CDH12: variants seen among roughly 807,000 people sequenced by gnomAD.
The protein encoded by CDH12 is cadherin 12.
In CDH12, 41 loss-of-function variants were observed where a neutral mutation model predicts 74.1. That is an observed-to-expected ratio of 0.55 (90% CI 0.43 to 0.72). CDH12 has a LOEUF of 0.72. Ranked by LOEUF, CDH12 falls within the 30% of genes least tolerant of loss-of-function variation. The pLI is 0.00. For missense variants in CDH12, 945 were observed against 977.2 expected, an observed-to-expected ratio of 0.97 and a Z score of 0.44; for synonymous variants, 399 against 355.0, an observed-to-expected ratio of 1.12 and a Z score of -1.39.
intron 3 of CDH12, among the ~76,000 whole-genome samples, chr5:22,302,732 TAAG>T (rs891684818): frequency 4.6e-5 from 7 of 151,996 alleles, no homozygotes; most frequent in African/African-American, 1.7e-4. Flanking sequence ...GAAGGCAAAA[TAAG>T]AGTAATTTTG....
chr5:22,308,552 T>C (rs1276707146), intron 3 of CDH12, among the ~76,000 whole-genome samples: 7 of 152,168 alleles, frequency 4.6e-5, no homozygotes, highest in Non-Finnish European at 1.0e-4. Context: ...AGGTTGATAG[T>C]TGTACAACCC....
Position 21,751,825 on chromosome 5 carries a change from T to G in CDH12, c.2297A>C (p.Asp766Ala), listed in dbSNP as rs1431384708. Residue 766 changes from aspartate to alanine, a missense_variant, in exon 15 of 15, where the codon GAC (aspartate) becomes GCC (alanine). Asp to Ala is a moderately radical substitution (Grantham distance 126). This residue lies in a region of CDH12 where 791 missense variants were observed against 792.8 expected (regional missense o/e 1.00). Coordinates refer to ENST00000382254, the MANE Select transcript of CDH12 (RefSeq NM_004061.5). Reference protein sequence around the residue: ...SLTTEADQDYDYLTDWGPRFK... With the variant: ...SLTTEADQDYAYLTDWGPRFK... ...GCGGGGTCCCCAGTCTGTCAGATAG[T>G]CATAGTCCTGGTCGGCTTCTGTGGT... 6.2e-7 allele frequency: 1 copy of G among 1,614,122 alleles called. No homozygotes were observed. The highest frequency in any genetic ancestry group is 8.5e-7 in the Non-Finnish European group (1 of 1,180,008).
At chr5:22,640,756 C>A (rs1231527328) in intron 1 of CDH12, among the ~76,000 whole-genome samples, 1 of 152,132 alleles carries the variant, frequency 6.6e-6, no homozygotes, top group African/African-American at 2.4e-5. Flanking sequence ...ACATGCAAAA[C>A]CCATCACTTT....
chr5:22,155,345 A>G (rs1322989409), intron 4 of CDH12, among the ~76,000 whole-genome samples: 1 of 152,102 alleles, frequency 6.6e-6, no homozygotes, highest in African/African-American at 2.4e-5. Context: ...TGATTATTCC[A>G]TGTTCAAGGA....
At chr5:22,274,760 A>T (rs1736550928) in intron 3 of CDH12, among the ~76,000 whole-genome samples, 1 of 152,106 alleles carries the variant, frequency 6.6e-6, no homozygotes, top group Non-Finnish European at 1.5e-5. Flanking sequence ...GTAAGCCTTT[A>T]TTGTCTTACT....
At chr5:22,102,725 C>T (rs951219970) in intron 4 of CDH12, among the ~76,000 whole-genome samples, 14 of 151,846 alleles carry the variant, frequency 9.2e-5, no homozygotes, top group Non-Finnish European at 2.9e-5. Context: ...ATGTAATCCC[C>T]AATGTAACAG....
intron 2 of CDH12, among the ~76,000 whole-genome samples, chr5:22,479,392 C>T (rs1181110233): frequency 6.6e-6 from 1 of 152,148 alleles, no homozygotes; most frequent in African/African-American, 2.4e-5. Context: ...GAGAGGTAGA[C>T]ACTAAAAGAA....
At chr5:22,095,680 C>T (rs559448632) in intron 4 of CDH12, among the ~76,000 whole-genome samples, 59 of 151,702 alleles carry the variant, frequency 3.9e-4, no homozygotes, top group Admixed American at 2.1e-3. Context: ...CCCTTCTCTC[C>T]GTGTCTCTAC....
chr5:21,876,129 C>T (rs1751926518), intron 6 of CDH12, among the ~76,000 whole-genome samples: 2 of 152,120 alleles, frequency 1.3e-5, no homozygotes, highest in South Asian at 4.1e-4. Flanking sequence ...CTCTTGACCT[C>T]ATGTTCCACC....
intron 1 of CDH12, among the ~76,000 whole-genome samples, chr5:22,840,722 T>A (rs1581052991): frequency 6.6e-6 from 1 of 152,022 alleles, no homozygotes; most frequent in South Asian, 2.1e-4. Context: ...AAATGTAATA[T>A]AAGAAAATAA....
At chr5:22,255,966 G>T (rs949503450) in intron 3 of CDH12, among the ~76,000 whole-genome samples, 10 of 151,558 alleles carry the variant, frequency 6.6e-5, no homozygotes, top group African/African-American at 2.4e-4. Flanking sequence ...ATTCTATTTT[G>T]CAGTATACTA....
chr5:21,858,801 T>A (rs997458402), intron 6 of CDH12, among the ~76,000 whole-genome samples: 1 of 151,936 alleles, frequency 6.6e-6, no homozygotes, highest in Non-Finnish European at 1.5e-5. Flanking sequence ...TTCATTTATG[T>A]AGAGACCTGA....
chr5:22,436,069 C>T (rs1744373711), intron 2 of CDH12, among the ~76,000 whole-genome samples: 1 of 151,450 alleles, frequency 6.6e-6, no homozygotes, highest in Non-Finnish European at 1.5e-5. Context: ...ACATAAACAC[C>T]ATGGAATACT....
chr5:22,246,431 C>T (rs1752947260), intron 3 of CDH12, among the ~76,000 whole-genome samples: 1 of 152,218 alleles, frequency 6.6e-6, no homozygotes, highest in South Asian at 2.1e-4. Context: ...CTAATTATTT[C>T]TAACATGTAG....
At chr5:22,531,499 C>G (rs1000686007) in intron 1 of CDH12, among the ~76,000 whole-genome samples, 2 of 152,022 alleles carry the variant, frequency 1.3e-5, no homozygotes, top group Non-Finnish European at 2.9e-5. Flanking sequence ...TATATTGCAC[C>G]TTAACCATCA....
chr5:21,921,094 G>T (rs757415087), intron 6 of CDH12, among the ~76,000 whole-genome samples: 1 of 152,074 alleles, frequency 6.6e-6, no homozygotes, highest in Admixed American at 6.5e-5. Flanking sequence ...TGTCCTTGAG[G>T]GACATAAGAT....
At chr5:21,836,716 G>GT (rs1749555727) in intron 8 of CDH12, among the ~76,000 whole-genome samples, 1 of 151,746 alleles carries the variant, frequency 6.6e-6, no homozygotes, top group African/African-American at 2.4e-5. Context: ...TTGTTAGATG[G>GT]TTTTGTCCTT....
intron 2 of CDH12, among the ~76,000 whole-genome samples, chr5:22,439,685 A>AAGGAAGT (rs1342612216): frequency 1.3e-5 from 2 of 152,052 alleles, no homozygotes; most frequent in African/African-American, 4.8e-5. Flanking sequence ...TGTGTACATC[A>AAGGAAGT]AGGAAGTATA....
At position 21,764,453 on chromosome 5, in the gene CDH12, G is replaced by T. The variant is rs145805754; in HGVS notation, c.1515+525C>A. Among the ~76,000 whole-genome samples, 1,365 of 148,754 alleles carry T rather than the reference G, an allele frequency of 9.2e-3. 24 individuals carry two copies. Among genetic ancestry groups the T allele is most frequent in the African/African-American group, 0.032 (1,298 of 40,386 alleles). On this transcript the variant is annotated intron_variant, in intron 12 of 14. Transcript: ENST00000382254. ...ACTTGAGGTCAGGAGTTCGAGTCCA[G>T]CCTGGCTAACATGGAGACACCCCAT...
Sources: gnomAD v4.1 joint callset for allele counts (sites outside exome capture counted in the v4.1 genomes callset) on GRCh38, gnomAD v4.1.1 for gene constraint, gnomAD v4.1.1 regional missense constraint, MANE v1.5 for transcripts, NCBI Gene and HGNC (gene_info 2026-07-23, HGNC 2026-07-21) for gene names.